Variants in CLIP1 observed in about 807,000 individuals in gnomAD.
The protein encoded by CLIP1 is CAP-Gly domain-containing linker protein 1.
Under a neutral mutation model 161.6 loss-of-function variants are expected in CLIP1, and 66 were observed. That is an observed-to-expected ratio of 0.41 (90% CI 0.33 to 0.50). CLIP1 has a LOEUF of 0.50. Among genes scored for constraint, CLIP1 ranks in the 20% least tolerant of loss-of-function variants. The pLI is 0.27. For synonymous variants in CLIP1, 598 were observed against 626.2 expected (o/e 0.96, Z 0.67); for missense variants, 1,376 against 1,702.0 (o/e 0.81, Z 3.37).
intron 3 of CLIP1, chr12:122,365,337 A>G: frequency 1.1e-6 from 1 of 949,126 alleles, no homozygotes; most frequent in South Asian, 1.3e-5. Flanking sequence ...CCATGGCAAA[A>G]GTGGAAGTCT....
At position 122,333,066 on chromosome 12, in the gene CLIP1, T is replaced by C. The variant is rs140057127; in HGVS notation, c.2788A>G (p.Ile930Val). ...CCTGACATCTTCATTATTTCTGCAA[T>C]GTCATTTTCCAGTTTTTCCTTTGCC... ...IKAKEKLENDIAEIMKMSGDN... is the reference protein window; with the variant it reads ...IKAKEKLENDVAEIMKMSGDN... Residue 930 changes from isoleucine (I) to valine (V), a missense_variant, in exon 15 of 26, where the codon ATT becomes GTT. Physicochemically the swap from Ile to Val is conservative, Grantham distance 29 (BLOSUM62 3). Around this residue, in one of 6 missense-constraint regions of CLIP1, gnomAD observed 948 missense variants for 1,134.8 expected, o/e 0.84. Coordinates refer to ENST00000620786, the MANE Select transcript of CLIP1 (RefSeq NM_001247997.2). 1 of 1,613,910 alleles carries C rather than the reference T, an allele frequency of 6.2e-7. No homozygotes were observed. Among genetic ancestry groups the C allele is most frequent in the South Asian group, 1.1e-5 (1 of 91,050 alleles).
rs766112356 is a variant in CLIP1, at chr12:122,316,855, A to G, written c.3367T>C (p.Leu1123=). The G allele has an allele frequency of 7.9e-6, 12 of 1,519,640 alleles. No homozygotes were observed. The highest frequency in any genetic ancestry group is 1.1e-5 in the Non-Finnish European group (12 of 1,129,370). The allele number at this position is 1,519,640 out of a possible 1,614,324, so 94.1% of individuals were successfully genotyped here. A position where few individuals can be genotyped will look rare whatever the true frequency, so the allele number is the denominator to read the frequency against. ...AAGTTGTTTTCTTTAAGTGTGTCCA[A>G]CTTAAAGACCAAGAGAAAAAAACTT... The part of the protein sequence containing the change: ...KQTNAKLQNE[L]DTLKENNLKN... The change falls in exon 19 of 26, where the codon TTG becomes CTG. Residue 1123 remains leucine (L), a splice_region_variant and synonymous_variant. Coordinates refer to ENST00000620786, the MANE Select transcript of CLIP1 (RefSeq NM_001247997.2).
chr12:122,383,864 G>C (rs1955120325), intron 1 of CLIP1, among the ~76,000 whole-genome samples: 1 of 151,782 alleles, frequency 6.6e-6, no homozygotes, highest in Non-Finnish European at 1.5e-5. Flanking sequence ...AGACATTGTT[G>C]CCTCACTAAT....
chr12:122,350,516 T>C (rs891107362), intron 9 of CLIP1, among the ~76,000 whole-genome samples: 1 of 152,126 alleles, frequency 6.6e-6, no homozygotes, highest in African/African-American at 2.4e-5. Context: ...TGACAAACGC[T>C]TGCCTCTAGT....
chr12:122,379,858 C>T (rs1026761991), intron 2 of CLIP1, among the ~76,000 whole-genome samples: 2 of 149,088 alleles, frequency 1.3e-5, no homozygotes, highest in Non-Finnish European at 3.0e-5. Flanking sequence ...GCAGGAGAAT[C>T]GCTTGAACCC....
chr12:122,413,550 C>A (rs910456318), intron 1 of CLIP1, among the ~76,000 whole-genome samples: 1 of 152,154 alleles, frequency 6.6e-6, no homozygotes, highest in South Asian at 2.1e-4. Context: ...CAAACAAACA[C>A]CAAACTGCTT....
intron 1 of CLIP1, among the ~76,000 whole-genome samples, chr12:122,403,868 T>C (rs558904374): frequency 2.0e-5 from 3 of 152,244 alleles, no homozygotes; most frequent in Admixed American, 2.0e-4. Context: ...GGAAACTTGT[T>C]AGTCTTCCGA....
At chr12:122,273,888 C>A in intron 25 of CLIP1, 150 bp downstream of exon 25, 1 of 574,800 alleles carries the variant, frequency 1.7e-6, no homozygotes, top group South Asian at 1.9e-5. Flanking sequence ...TGCAACACTA[C>A]GCCTGGCTAA....
chr12:122,316,274 G>A (rs536541975), intron 19 of CLIP1, among the ~76,000 whole-genome samples: 96 of 151,494 alleles, frequency 6.3e-4, no homozygotes, highest in African/African-American at 2.1e-3. Context: ...GCAGTGGCAC[G>A]ATTATGGCTC....
chr12:122,416,008 G>A (rs141192986), intron 1 of CLIP1, among the ~76,000 whole-genome samples: 7 of 152,024 alleles, frequency 4.6e-5, no homozygotes, highest in Admixed American at 4.6e-4. Context: ...GGGAGGCTGA[G>A]GTGGGTGCAT....
chr12:122,387,567 TATATATATATA>T (rs1955350340), intron 1 of CLIP1, among the ~76,000 whole-genome samples: 1 of 21,220 alleles, frequency 4.7e-5, no homozygotes, highest in Non-Finnish European at 1.0e-4. Context: ...TATATATATA[TATATATATATA>T]TATATATATA....
chr12:122,303,663 C>T (rs966377852), intron 20 of CLIP1, among the ~76,000 whole-genome samples: 6 of 152,162 alleles, frequency 3.9e-5, no homozygotes, highest in Admixed American at 1.3e-4. Flanking sequence ...CCTTGGGGCA[C>T]GCATCCCCAG....
intron 1 of CLIP1, chr12:122,400,544 A>G (rs1956107391): frequency 1.3e-5 from 2 of 152,198 alleles, no homozygotes; most frequent in African/African-American, 2.4e-5. Flanking sequence ...CTCTCCAAGA[A>G]CACAGGAGAC....
intron 17 of CLIP1, 101 bp from the exon 18 acceptor site, chr12:122,319,449 G>A (rs572388085): frequency 3.5e-5 from 28 of 802,924 alleles, no homozygotes; most frequent in African/African-American, 1.7e-4. Flanking sequence ...GTGTCTGTGT[G>A]GGTAAGGGAG....
chr12:122,300,309 C>T (rs1231001273), intron 20 of CLIP1, among the ~76,000 whole-genome samples: 2 of 152,036 alleles, frequency 1.3e-5, no homozygotes, highest in African/African-American at 4.8e-5. Context: ...AGCTGAATGA[C>T]ATGCCAGACA....
At chr12:122,295,954 T>C (rs1950454339) in intron 20 of CLIP1, among the ~76,000 whole-genome samples, 3 of 152,226 alleles carry the variant, frequency 2.0e-5, no homozygotes, top group Admixed American at 2.0e-4. Context: ...ATAGTATGTC[T>C]TGTTCCATCC....
intron 9 of CLIP1, among the ~76,000 whole-genome samples, chr12:122,348,991 A>C (rs985842629): frequency 4.1e-5 from 6 of 146,290 alleles, no homozygotes; most frequent in Admixed American, 4.0e-4. Context: ...AAAGGTGAAC[A>C]AAAAAATTTT....
chr12:122,380,902 A>C (rs1166140488), intron 1 of CLIP1, among the ~76,000 whole-genome samples: 1 of 152,022 alleles, frequency 6.6e-6, no homozygotes, highest in East Asian at 1.9e-4. Flanking sequence ...TACAAAAATA[A>C]AAATAAAAAT....
At position 122,377,903 on chromosome 12, in the gene CLIP1, G is replaced by T. The variant is rs1181479877; in HGVS notation, c.143C>A (p.Ser48Tyr). ...SSEKASSTPS[S>Y]ETQEEFVDDF... ...ATCCACAAATTCCTCCTGAGTCTCA[G>T]ATGATGGAGTGCTTGATGCTTTTTC... is the stretch of plus-strand genomic sequence containing the variant. The change falls in exon 3 of 26, where the codon TCT becomes TAT. Residue 48 changes from serine to tyrosine, a missense_variant. Around this residue, in one of 6 missense-constraint regions of CLIP1, gnomAD observed 66 missense variants for 67.8 expected, o/e 0.97. Transcript: ENST00000620786. 10 of 1,613,818 alleles carry T rather than the reference G, an allele frequency of 6.2e-6. No individual in the cohort carries two copies. Among genetic ancestry groups the T allele is most frequent in the South Asian group, 1.1e-5 (1 of 91,062 alleles).
Sources: gnomAD v4.1 joint callset for allele counts (sites outside exome capture counted in the v4.1 genomes callset) on GRCh38, gnomAD v4.1.1 for gene constraint, gnomAD v4.1.1 regional missense constraint, MANE v1.5 for transcripts, NCBI Gene and HGNC (gene_info 2026-07-23, HGNC 2026-07-21) for gene names.